The following DLG2 variants were observed in gnomAD, a reference collection of about 807,000 sequenced individuals.
DLG2 encodes disks large homolog 2.
Under a neutral mutation model 132.5 loss-of-function variants are expected in DLG2, and 45 were observed. The ratio of observed to expected loss-of-function variants is 0.34; its 90% CI spans 0.27 to 0.44. DLG2 has a LOEUF of 0.44. DLG2 is among the 20% of genes least tolerant of loss of function. The pLI is 1.00. For missense variants in DLG2, 1,045 were observed against 1,196.9 expected (o/e 0.87, Z 1.87); for synonymous variants, 424 against 419.6 (o/e 1.01, Z -0.13).
At chr11:84,057,761 A>G (rs1297963427) in intron 11 of DLG2, among the ~76,000 whole-genome samples, 1 of 152,158 alleles carries the variant, frequency 6.6e-6, no homozygotes, top group East Asian at 1.9e-4. Flanking sequence ...CAACTCATCT[A>G]ATCCTCACAA....
intron 3 of DLG2, among the ~76,000 whole-genome samples, chr11:85,527,342 C>A (rs925025004): frequency 6.6e-6 from 1 of 151,976 alleles, no homozygotes; most frequent in Non-Finnish European, 1.5e-5. Context: ...GCTCTCTCTC[C>A]CCTTGCGCCC....
intron 3 of DLG2, among the ~76,000 whole-genome samples, chr11:85,316,049 A>C (rs539834828): frequency 4.3e-4 from 66 of 152,098 alleles, no homozygotes; most frequent in African/African-American, 1.5e-3. Flanking sequence ...AAATAAACTA[A>C]AGGGTTGAAT....
chr11:84,861,628 AAAAAAAAAAAAC>A lies in DLG2; in HGVS notation c.357+250021_357+250032del, dbSNP rs1471200808. Among the ~76,000 whole-genome samples, 34 of 72,492 alleles carry A rather than the reference AAAAAAAAAAAAC, an allele frequency of 4.7e-4. 1 individual carries two copies. The highest frequency in any genetic ancestry group is 1.2e-3 in the South Asian group (3 of 2,426). 47.6% of individuals were successfully genotyped at this position (72,492 alleles called of 152,430 possible). A position where few individuals can be genotyped will look rare whatever the true frequency, so the allele number is the denominator to read the frequency against. ...AGAGCTTCTACACAGCAAAAAAAAA[AAAAAAAAAAAAC>A]AAAAAAAAAAACCTATCAGAGGGAA... On this transcript the variant is annotated intron_variant, in intron 6 of 27. Transcript: ENST00000376104.
chr11:83,615,665 G>T (rs867383286), intron 19 of DLG2, among the ~76,000 whole-genome samples: 3 of 152,170 alleles, frequency 2.0e-5, no homozygotes, highest in Non-Finnish European at 4.4e-5. Flanking sequence ...AGAGAGATAC[G>T]CCATGAGAAG....
chr11:84,580,500 G>A (rs2099513824), intron 6 of DLG2, among the ~76,000 whole-genome samples: 1 of 152,144 alleles, frequency 6.6e-6, no homozygotes, highest in South Asian at 2.1e-4. Flanking sequence ...CTGCACTAAA[G>A]CAGTTCACAG....
chr11:83,648,878 T>C (rs973851023), intron 18 of DLG2, among the ~76,000 whole-genome samples: 5 of 152,276 alleles, frequency 3.3e-5, no homozygotes, highest in Non-Finnish European at 7.4e-5. Context: ...TCTTTGAAAC[T>C]TCCTTTATAC....
At chr11:85,204,760 C>T (rs760077210) in intron 4 of DLG2, among the ~76,000 whole-genome samples, 11 of 152,038 alleles carry the variant, frequency 7.2e-5, no homozygotes, top group Non-Finnish European at 1.5e-4. Flanking sequence ...CTGGAAGCAT[C>T]ACATTGCCTG....
At chr11:83,882,408 G>A (rs2066528785) in intron 15 of DLG2, among the ~76,000 whole-genome samples, 1 of 152,170 alleles carries the variant, frequency 6.6e-6, no homozygotes, top group African/African-American at 2.4e-5. Context: ...AATCAAGCAT[G>A]TTGGGACAAA....
chr11:84,918,289 G>C lies in DLG2; in HGVS notation c.357+193372C>G, dbSNP rs1720081913. On this transcript the variant is annotated intron_variant, in intron 6 of 27. Coordinates refer to ENST00000376104, the MANE Select transcript of DLG2 (RefSeq NM_001142699.3). ...CTACCAGTATAAAATAATAATGCAA[G>C]TTATGATATAAGGCAGTATAAGATG... Among the ~76,000 whole-genome samples the C allele has an allele frequency of 3.9e-5, 6 of 152,116 alleles. No individual in the cohort carries two copies. The South Asian group carries it at 1.2e-3, about 31-fold the overall frequency.
chr11:85,419,873 G>C (rs981645483), intron 3 of DLG2, among the ~76,000 whole-genome samples: 7 of 152,284 alleles, frequency 4.6e-5, no homozygotes, highest in Non-Finnish European at 7.4e-5. Context: ...CATTGGGTTA[G>C]AACATGCTCC....
chr11:83,965,662 CT>C (rs989683172), intron 12 of DLG2, among the ~76,000 whole-genome samples, 194 bp from the exon 13 acceptor site: 1 of 151,558 alleles, frequency 6.6e-6, no homozygotes, highest in Admixed American at 6.6e-5. Context: ...TTGCTTCTGC[CT>C]TTTTTTAAAT....
chr11:83,958,241 T>C (rs1032348620), intron 14 of DLG2, among the ~76,000 whole-genome samples: 6 of 152,150 alleles, frequency 3.9e-5, no homozygotes, highest in Non-Finnish European at 7.4e-5. Context: ...TCGGAGACAA[T>C]AGAGTAGATG....
At chr11:85,450,807 CT>C (rs766068795) in intron 3 of DLG2, among the ~76,000 whole-genome samples, 9 of 152,104 alleles carry the variant, frequency 5.9e-5, no homozygotes, top group Non-Finnish European at 8.8e-5. Context: ...ATCTTTCCTT[CT>C]TCTCTTTTCT....
chr11:83,708,143 T>C (rs1171517906), intron 18 of DLG2, among the ~76,000 whole-genome samples: 1 of 152,196 alleles, frequency 6.6e-6, no homozygotes, highest in African/African-American at 2.4e-5. Context: ...ATTATGATAA[T>C]TGTTGGAAAT....
At chr11:84,107,087 G>A (rs918616631) in intron 9 of DLG2, among the ~76,000 whole-genome samples, 4 of 151,632 alleles carry the variant, frequency 2.6e-5, no homozygotes, top group African/African-American at 9.7e-5. Flanking sequence ...GAAAGATTTT[G>A]GAGGATGGCA....
intron 6 of DLG2, among the ~76,000 whole-genome samples, chr11:84,842,654 T>A (rs2080848695): frequency 6.6e-6 from 1 of 151,954 alleles, no homozygotes; most frequent in South Asian, 2.1e-4. Context: ...AAGTGCCATT[T>A]CCACAGAAAG....
intron 6 of DLG2, among the ~76,000 whole-genome samples, chr11:84,850,650 C>G (rs1274912102): frequency 6.6e-6 from 1 of 152,032 alleles, no homozygotes; most frequent in Non-Finnish European, 1.5e-5. Flanking sequence ...TACAGAGTAT[C>G]TTAAAGAATC....
chr11:84,462,109 C>A (rs776780264), intron 7 of DLG2, among the ~76,000 whole-genome samples: 1 of 150,780 alleles, frequency 6.6e-6, no homozygotes, highest in African/African-American at 2.4e-5. Context: ...TCCCACGAGT[C>A]CTTATTAAGT....
chr11:83,774,320 A>ATAAT (rs1415679464), intron 18 of DLG2, among the ~76,000 whole-genome samples: 1 of 152,164 alleles, frequency 6.6e-6, no homozygotes, highest in Non-Finnish European at 1.5e-5. Context: ...GTTGTTTCTG[A>ATAAT]TAATTATGAT....
Sources: allele counts gnomAD v4.1 joint callset (sites outside exome capture counted in the v4.1 genomes callset), GRCh38; gene constraint gnomAD v4.1.1; transcripts MANE v1.5; gene names NCBI Gene and HGNC (gene_info 2026-07-23, HGNC 2026-07-21).